The following GOLM2 variants were observed in gnomAD, a reference collection of about 807,000 sequenced individuals.
GOLM2 encodes the protein protein GOLM2.
A neutral mutation model predicts 55.9 loss-of-function variants in GOLM2; 26 were observed. The observed-to-expected ratio is 0.47, with a 90% CI of 0.34 to 0.65. The LOEUF is 0.65. Ranked by LOEUF, GOLM2 falls within the 30% of genes least tolerant of loss-of-function variation. The pLI, the probability that GOLM2 is intolerant of heterozygous loss-of-function variation, is 0.01. For synonymous variants in GOLM2, 165 were observed against 194.6 expected (o/e 0.85, Z 1.27); for missense variants, 486 against 531.8 (o/e 0.91, Z 0.85).
intron 8 of GOLM2, among the ~76,000 whole-genome samples, chr15:44,400,437 G>A (rs1331274186): frequency 6.6e-6 from 1 of 151,628 alleles, no homozygotes; most frequent in African/African-American, 2.4e-5. Flanking sequence ...TCCTGCCTCA[G>A]CCTCCCAAGT....
intron 4 of GOLM2, among the ~76,000 whole-genome samples, chr15:44,334,514 G>A (rs1040575360): frequency 6.6e-6 from 1 of 152,036 alleles, no homozygotes; most frequent in Non-Finnish European, 1.5e-5. Context: ...GCCTGCTTTC[G>A]TACTGTTTAG....
At chr15:44,409,309 T>C (rs1418560724) in intron 9 of GOLM2, among the ~76,000 whole-genome samples, 4 of 148,234 alleles carry the variant, frequency 2.7e-5, no homozygotes, top group Non-Finnish European at 6.0e-5. Context: ...AAAAAGTGGC[T>C]GGGCGCGGTG....
chr15:44,295,013 T>G (rs909542180), intron 1 of GOLM2, among the ~76,000 whole-genome samples: 5 of 152,158 alleles, frequency 3.3e-5, no homozygotes, highest in Non-Finnish European at 7.3e-5. Flanking sequence ...ATATTTGGTT[T>G]CTTTCACATT....
In GOLM2 at chr15:44,288,886, T is replaced by G; in HGVS notation, c.-144T>G. The stretch of plus-strand genomic sequence containing the variant: ...TGCGGCTTGCGGCCCCGCCCCCTTC[T>G]CCGGCTCGCAGCCGACCGGTAAGCC... On this transcript the variant is annotated 5_prime_UTR_variant, in exon 1 of 10. Transcript: ENST00000299957. The G allele has an allele frequency of 1.4e-6, 1 of 712,636 alleles. No individual in the cohort carries two copies. 44.1% of individuals were successfully genotyped at this position (712,636 alleles called of 1,614,324 possible). A position where few individuals can be genotyped will look rare whatever the true frequency, so the allele number is the denominator to read the frequency against.
chr15:44,288,775 C>T lies in GOLM2; in HGVS notation c.-255C>T, dbSNP rs2078697545. The T allele has an allele frequency of 1.4e-5, 7 of 511,416 alleles. No individual in the cohort carries two copies. Among genetic ancestry groups the T allele is most frequent in the Middle Eastern group, 1.0e-3 (2 of 1,962 alleles). 31.7% of individuals were successfully genotyped at this position (511,416 alleles called of 1,614,324 possible). The stretch of plus-strand genomic sequence containing the variant: ...GGGGACGCTGGCAGCTGGGTTCTCC[C>T]GGTTCCCTTGGGCAGGTGCAGGGTC... On this transcript the variant is annotated 5_prime_UTR_variant, in exon 1 of 10. Transcript: ENST00000299957.
At chr15:44,301,837 A>G (rs1440239980) in intron 1 of GOLM2, among the ~76,000 whole-genome samples, 1 of 151,766 alleles carries the variant, frequency 6.6e-6, no homozygotes, top group East Asian at 1.9e-4. Flanking sequence ...ACTTGAATCC[A>G]GGAGGCAGAG....
chr15:44,330,600 A>G (rs2079016869), intron 3 of GOLM2, among the ~76,000 whole-genome samples: 1 of 151,776 alleles, frequency 6.6e-6, no homozygotes, highest in African/African-American at 2.4e-5. Context: ...GTATGCTGGC[A>G]TACACCTGTG....
rs1210027677 is a variant in GOLM2, at chr15:44,369,762, G to A, written c.803-9928G>A. On this transcript the variant is annotated intron_variant, in intron 6 of 9. Transcript: ENST00000299957. ...GGGGAGTTTATTAAGTATTAATAAA[G>A]CCTGGATGACAAAGCAAGACTCCAT... Among the ~76,000 whole-genome samples the A allele has an allele frequency of 2.0e-5, 3 of 150,278 alleles. No homozygotes were observed. The East Asian group carries it at 5.9e-4, about 29-fold the overall frequency.
chr15:44,323,066 G>A (rs1410621290), intron 2 of GOLM2, 47 bp downstream of exon 2: 1 of 1,256,132 alleles, frequency 8.0e-7, no homozygotes. Flanking sequence ...GTCACTAAAT[G>A]CCTAAAATTG....
chr15:44,332,478 G>T (rs764261932), intron 4 of GOLM2, among the ~76,000 whole-genome samples: 26 of 151,522 alleles, frequency 1.7e-4, no homozygotes, highest in Non-Finnish European at 3.1e-4. Flanking sequence ...AACCGCTTGA[G>T]CCTGGGAGAC....
chr15:44,361,567 G>C (rs1354429032), intron 6 of GOLM2, among the ~76,000 whole-genome samples: 12 of 152,106 alleles, frequency 7.9e-5, no homozygotes, highest in Admixed American at 2.0e-4. Context: ...GCTTACCAAC[G>C]AAAAAGAGTC....
chr15:44,341,839 C>A (rs549516807), intron 6 of GOLM2, among the ~76,000 whole-genome samples: 2 of 151,418 alleles, frequency 1.3e-5, no homozygotes, highest in African/African-American at 4.9e-5. Flanking sequence ...GGGATTACAG[C>A]GCCCACCACC....
intron 3 of GOLM2, among the ~76,000 whole-genome samples, chr15:44,331,171 T>A (rs1595629966): frequency 1.3e-5 from 2 of 152,066 alleles, no homozygotes; most frequent in South Asian, 4.2e-4. Context: ...CGTACCACCA[T>A]GCCTGGCTAT....
rs540042185 is a variant in GOLM2 at position 44,311,850 on chromosome 15, A to G, written c.328-11115A>G. ...TTTTTAGTATAGATGGGGTTTCACC[A>G]TGTTGGCCAGAGAGATCTCGAACTC... On this transcript the variant is annotated intron_variant, in intron 1 of 9. Transcript: ENST00000299957. Among the ~76,000 whole-genome samples, 6 of 152,216 alleles carry G rather than the reference A, an allele frequency of 3.9e-5. 1 individual carries two copies. In the South Asian group the frequency reaches 1.2e-3, roughly 32 times the overall value.
At chr15:44,374,634 C>T (rs1240907008) in intron 6 of GOLM2, among the ~76,000 whole-genome samples, 3 of 151,974 alleles carry the variant, frequency 2.0e-5, no homozygotes, top group African/African-American at 7.3e-5. Context: ...TGGCATAAGG[C>T]GAAGGGGAAG....
At chr15:44,363,368 C>G (rs1394499139) in intron 6 of GOLM2, among the ~76,000 whole-genome samples, 2 of 152,104 alleles carry the variant, frequency 1.3e-5, no homozygotes, top group Non-Finnish European at 2.9e-5. Context: ...ACAACCCCAT[C>G]AAAAAGTGGG....
At chr15:44,345,413 C>T (rs2079117494) in intron 6 of GOLM2, among the ~76,000 whole-genome samples, 1 of 152,116 alleles carries the variant, frequency 6.6e-6, no homozygotes, top group African/African-American at 2.4e-5. Flanking sequence ...TGCCCGCCAC[C>T]ACGCCCAGCT....
intron 1 of GOLM2, among the ~76,000 whole-genome samples, chr15:44,322,557 C>T (rs554865559): frequency 6.6e-6 from 1 of 152,208 alleles, no homozygotes; most frequent in South Asian, 2.1e-4. Context: ...TCTACGAGGT[C>T]CTGGCTTATC....
At chr15:44,365,590 A>G (rs1440935546) in intron 6 of GOLM2, among the ~76,000 whole-genome samples, 2 of 152,246 alleles carry the variant, frequency 1.3e-5, no homozygotes, top group South Asian at 2.1e-4. Flanking sequence ...AAAAGGCTAC[A>G]TACTGTATAA....
Sources: allele counts gnomAD v4.1 joint callset (sites outside exome capture counted in the v4.1 genomes callset), GRCh38; gene constraint gnomAD v4.1.1; transcripts MANE v1.5; gene names NCBI Gene and HGNC (gene_info 2026-07-23, HGNC 2026-07-21).